Variants in CTSO observed in about 807,000 individuals in gnomAD.
The protein encoded by CTSO is cathepsin O.
In CTSO, 40 loss-of-function variants were observed where a neutral mutation model predicts 42.4. The observed-to-expected ratio is 0.94, with a 90% CI of 0.73 to 1.23. The LOEUF is 1.23. Among genes scored for constraint, CTSO ranks in the 50% most tolerant of loss-of-function variants. The pLI is 0.00. For synonymous variants in CTSO, 156 were observed against 146.2 expected, an observed-to-expected ratio of 1.07 and a Z score of -0.48; for missense variants, 441 against 396.0, an observed-to-expected ratio of 1.11 and a Z score of -0.96.
intron 4 of CTSO, among the ~76,000 whole-genome samples, chr4:155,938,641 T>C (rs1433400891): frequency 6.6e-6 from 1 of 151,998 alleles, no homozygotes; most frequent in East Asian, 1.9e-4. Flanking sequence ...TAAAAAGAGC[T>C]ACAGGCTGGG....
intron 6 of CTSO, among the ~76,000 whole-genome samples, chr4:155,929,262 G>T (rs142648942): frequency 6.6e-6 from 1 of 152,104 alleles, no homozygotes; most frequent in Non-Finnish European, 1.5e-5. Flanking sequence ...AGCTCTGTTC[G>T]GGGCTCTCAG....
chr4:155,945,981 T>A (rs1024248181), intron 1 of CTSO, among the ~76,000 whole-genome samples: 92 of 152,100 alleles, frequency 6.0e-4, no homozygotes, highest in African/African-American at 2.1e-3. Context: ...GGTACGCCCT[T>A]TCAAGATCCT....
chr4:155,950,481 T>C (rs1171217407), intron 1 of CTSO, among the ~76,000 whole-genome samples: 1 of 150,808 alleles, frequency 6.6e-6, no homozygotes, highest in Admixed American at 6.6e-5. Flanking sequence ...ATTTAGTCAA[T>C]GTATGCTTTA....
intron 5 of CTSO, 79 bp from the exon 6 acceptor site, chr4:155,929,784 G>A (rs747943260): frequency 1.4e-5 from 19 of 1,354,818 alleles, no homozygotes; most frequent in Non-Finnish European, 1.9e-5. Context: ...ATCTGTGTAT[G>A]ATTCTGAGTA....
chr4:155,939,583 C>T (rs747603779), intron 3 of CTSO, 45 bp from the exon 4 acceptor site: 3 of 1,512,954 alleles, frequency 2.0e-6, no homozygotes, highest in South Asian at 1.3e-5. Flanking sequence ...GGGTTTAAAT[C>T]AACTTACCAA....
chr4:155,932,757 AC>A (rs1172286603), intron 5 of CTSO, among the ~76,000 whole-genome samples: 1 of 151,744 alleles, frequency 6.6e-6, no homozygotes, highest in African/African-American at 2.4e-5. Flanking sequence ...TAATCAAGAA[AC>A]CCTGCTGCCC....
At position 155,926,084 on chromosome 4, in the gene CTSO, A is replaced by G. The variant is rs1743125264; in HGVS notation, c.932-14T>C. 9.7e-6 allele frequency: 15 copies of G among 1,547,800 alleles called. 1 individual carries two copies. Among genetic ancestry groups the G allele is most frequent in the Non-Finnish European group, 1.3e-5 (15 of 1,137,866 alleles). On this transcript the variant is annotated splice_polypyrimidine_tract_variant and intron_variant, in intron 7 of 7. Coordinates refer to ENST00000433477, the MANE Select transcript of CTSO (RefSeq NM_001334.3). ...AATCTGCAATACCTAAGGGAAAAAA[A>G]AGGAATTATTAGTCTATTTCCTCTT... is the stretch of plus-strand genomic sequence containing the variant.
chr4:155,934,459 C>T (rs1743294453), intron 5 of CTSO, among the ~76,000 whole-genome samples: 1 of 152,190 alleles, frequency 6.6e-6, no homozygotes. Flanking sequence ...CACTGTCCTC[C>T]AGACCCCAGA....
At chr4:155,939,620 A>G in intron 3 of CTSO, 82 bp from the exon 4 acceptor site, 1 of 1,272,060 alleles carries the variant, frequency 7.9e-7, no homozygotes, top group Non-Finnish European at 1.1e-6. Context: ...AAGTTATCAA[A>G]TCAAGTAAGG....
intron 1 of CTSO, among the ~76,000 whole-genome samples, chr4:155,952,487 T>C (rs1408143249): frequency 6.6e-6 from 1 of 152,200 alleles, no homozygotes; most frequent in African/African-American, 2.4e-5. Flanking sequence ...TGAAACTGAC[T>C]TTTCCCCTAA....
Position 155,929,647 on chromosome 4 carries a change from C to T in CTSO, c.733G>A (p.Val245Ile), listed in dbSNP as rs1743197681. The T allele has an allele frequency of 1.9e-6, 3 of 1,613,866 alleles. No homozygotes were observed. The highest frequency in any genetic ancestry group is 2.2e-5 in the South Asian group (2 of 91,066). The change falls in exon 6 of 8, where the codon GTA becomes ATA. Residue 245 changes from valine to isoleucine, a missense_variant. By Grantham distance (29) the Val-to-Ile change is conservative. Transcript: ENST00000433477. ...LLTFGPLVVI[V>I]DAVSWQDYLG... ...TAATCTTGCCAGCTCACTGCATCTACTATGACTACCAAAGGGCCAAAGGTA... is the reference window on the plus strand; with the variant it reads ...TAATCTTGCCAGCTCACTGCATCTATTATGACTACCAAAGGGCCAAAGGTA...
At position 155,933,147 on chromosome 4, in the gene CTSO, T is replaced by C. The variant is rs960129232; in HGVS notation, c.675-3442A>G. ...CAAATTGAATTGTATCTCCCAGAAT[T>C]CCCATGTGTTGTGGGAGGAACCCAG... On this transcript the variant is annotated intron_variant, in intron 5 of 7. Transcript: ENST00000433477. Among the ~76,000 whole-genome samples the C allele has an allele frequency of 2.6e-5, 4 of 152,092 alleles. No homozygotes were observed. The East Asian group carries it at 7.8e-4, about 29-fold the overall frequency.
At position 155,953,718 on chromosome 4, in the gene CTSO, A is replaced by G; in HGVS notation, c.130T>C (p.Phe44Leu). The change falls in exon 1 of 8, where the codon TTC (phenylalanine) becomes CTC (leucine). Residue 44 changes from phenylalanine to leucine, a missense_variant. Physicochemically the swap from Phe to Leu is conservative, Grantham distance 22. Coordinates refer to ENST00000433477, the MANE Select transcript of CTSO (RefSeq NM_001334.3). Reference sequence around the variant, plus strand: ...GGGAGGCGCGCGCTCGGTACCCGGAAGGCGGCGGCTTCACGCTCGCGGCTC... The same window carrying G: ...GGGAGGCGCGCGCTCGGTACCCGGAGGGCGGCGGCTTCACGCTCGCGGCTC... ...PRSREREAAAFRESLNRHRYL... is the reference protein window; with the variant it reads ...PRSREREAAALRESLNRHRYL... 4.7e-6 allele frequency: 6 copies of G among 1,271,594 alleles called. No individual in the cohort carries two copies. The highest frequency in any genetic ancestry group is 5.9e-6 in the Non-Finnish European group (6 of 1,009,832). The allele number at this position is 1,271,594 out of a possible 1,614,324, so 78.8% of individuals were successfully genotyped here.
chr4:155,942,164 C>G (rs1367346455), intron 3 of CTSO, among the ~76,000 whole-genome samples, 153 bp downstream of exon 3: 1 of 152,164 alleles, frequency 6.6e-6, no homozygotes, highest in Non-Finnish European at 1.5e-5. Flanking sequence ...ACTCTCATTC[C>G]TCCAGAGATT....
intron 7 of CTSO, among the ~76,000 whole-genome samples, chr4:155,926,972 G>C (rs1743139713): frequency 6.6e-6 from 1 of 152,188 alleles, no homozygotes; most frequent in African/African-American, 2.4e-5. Flanking sequence ...AGCAGCAAGG[G>C]TTAATGATTA....
At chr4:155,943,493 A>G (rs961508389) in intron 1 of CTSO, among the ~76,000 whole-genome samples, 1 of 152,146 alleles carries the variant, frequency 6.6e-6, no homozygotes, top group Non-Finnish European at 1.5e-5. Flanking sequence ...TATTTTATTC[A>G]TTTATAATTC....
At chr4:155,932,792 A>G (rs904845064) in intron 5 of CTSO, among the ~76,000 whole-genome samples, 13 of 152,144 alleles carry the variant, frequency 8.5e-5, no homozygotes, top group African/African-American at 2.7e-4. Context: ...TCCCCACCCC[A>G]TTACCAGTCT....
At chr4:155,935,286 C>A (rs1743310546) in intron 5 of CTSO, among the ~76,000 whole-genome samples, 1 of 152,102 alleles carries the variant, frequency 6.6e-6, no homozygotes, top group Non-Finnish European at 1.5e-5. Context: ...CTTTTTCTTT[C>A]CAGTCTTGGG....
chr4:155,938,042 T>C (rs887926128), intron 4 of CTSO, among the ~76,000 whole-genome samples: 3 of 152,168 alleles, frequency 2.0e-5, no homozygotes, highest in Non-Finnish European at 4.4e-5. Context: ...CTTTTGTAGA[T>C]CCTCCATGGA....
Sources: allele counts gnomAD v4.1 joint callset (sites outside exome capture counted in the v4.1 genomes callset), GRCh38; gene constraint gnomAD v4.1.1; transcripts MANE v1.5; gene names NCBI Gene and HGNC (gene_info 2026-07-23, HGNC 2026-07-21).